Variants in SORCS2 observed in about 807,000 individuals in gnomAD.
The protein encoded by SORCS2 is VPS10 domain-containing receptor SorCS2.
SORCS2 carries 100 observed loss-of-function variants against 141.6 expected under a neutral mutation model. That is an observed-to-expected ratio of 0.71 (90% confidence interval 0.60 to 0.83). The LOEUF is 0.83. SORCS2 is among the 40% of genes least tolerant of loss of function. The pLI, the probability that SORCS2 is intolerant of heterozygous loss-of-function variation, is 0.00. For synonymous variants in SORCS2, 789 were observed against 676.9 expected (o/e 1.17, Z -2.57); for missense variants, 1,646 against 1,560.2 (o/e 1.05, Z -0.93).
At chr4:7,448,156 G>C (rs1295439362) in intron 2 of SORCS2, among the ~76,000 whole-genome samples, 1 of 152,182 alleles carries the variant, frequency 6.6e-6, no homozygotes, top group Non-Finnish European at 1.5e-5. Context: ...AGGCACAGTT[G>C]TGTTTCGTGC....
chr4:7,416,977 T>A (rs910693785), intron 2 of SORCS2, among the ~76,000 whole-genome samples: 8 of 152,184 alleles, frequency 5.3e-5, no homozygotes, highest in Non-Finnish European at 7.3e-5. Flanking sequence ...CCCATGCCTC[T>A]GCCTGTGGTC....
chr4:7,213,901 GCTGGCTTCCTGGGGCTTTATTCCATGTCC>G (rs1275051123), intron 1 of SORCS2, among the ~76,000 whole-genome samples: 7 of 152,382 alleles, frequency 4.6e-5, no homozygotes, highest in Non-Finnish European at 8.8e-5. Flanking sequence ...TGGGCTGGAA[GCTGGCTTCCTGGGGCTTTATTCCATGTCC>G]CTGCCCCAGA....
At chr4:7,512,566 C>T (rs1732730856) in intron 2 of SORCS2, among the ~76,000 whole-genome samples, 2 of 152,168 alleles carry the variant, frequency 1.3e-5, no homozygotes, top group Admixed American at 1.3e-4. Context: ...GGATTGGGCC[C>T]CTCCCCCAAC....
chr4:7,414,936 AGG>A (rs767199567), intron 2 of SORCS2, among the ~76,000 whole-genome samples: 5,198 of 152,228 alleles, frequency 0.034, 148 homozygotes, highest in Admixed American at 0.046. Context: ...GGGTTGGGTG[AGG>A]AGCCCTTAGT....
intron 2 of SORCS2, among the ~76,000 whole-genome samples, chr4:7,524,473 C>T (rs545603172): frequency 1.3e-5 from 2 of 152,286 alleles, no homozygotes; most frequent in East Asian, 3.9e-4. Context: ...AACTCACGCC[C>T]TGGCCCTGCC....
Position 7,729,727 on chromosome 4 carries a change from C to T in SORCS2, c.3108+15C>T, listed in dbSNP as rs201505081. ...CGAGTGATAAGGTATGTCCTGTGGC[C>T]GCTGCACTCCCAGGTCCTCCCTGCA... is the stretch of plus-strand genomic sequence containing the variant. On this transcript the variant is annotated intron_variant, in intron 23 of 26. Transcript: ENST00000507866. 1,445 of 1,606,992 alleles carry T rather than the reference C, an allele frequency of 9.0e-4. No individual in the cohort carries two copies. Among genetic ancestry groups the T allele is most frequent in the Non-Finnish European group, 1.2e-3 (1,357 of 1,175,966 alleles).
At chr4:7,199,617 G>A (rs1270799503) in intron 1 of SORCS2, among the ~76,000 whole-genome samples, 1 of 152,022 alleles carries the variant, frequency 6.6e-6, no homozygotes, top group Non-Finnish European at 1.5e-5. Flanking sequence ...CTGTGGCCTG[G>A]GTGGGGCGGG....
intron 3 of SORCS2, among the ~76,000 whole-genome samples, chr4:7,588,314 C>T (rs1716676549): frequency 6.6e-6 from 1 of 152,196 alleles, no homozygotes; most frequent in African/African-American, 2.4e-5. Context: ...ATGGAACTTT[C>T]ATGCGGTTGT....
intron 1 of SORCS2, among the ~76,000 whole-genome samples, chr4:7,275,095 A>G (rs1054915807): frequency 4.6e-5 from 7 of 152,230 alleles, no homozygotes; most frequent in Non-Finnish European, 8.8e-5. Flanking sequence ...AAAATGCATC[A>G]TATAATTTTC....
chr4:7,335,598 G>C (rs1230474269), intron 1 of SORCS2, among the ~76,000 whole-genome samples: 1 of 152,224 alleles, frequency 6.6e-6, no homozygotes, highest in Non-Finnish European at 1.5e-5. Context: ...CTTGCTGGAG[G>C]CGGGCTGGGG....
chr4:7,216,214 G>T (rs1340005147), intron 1 of SORCS2, among the ~76,000 whole-genome samples: 2 of 152,200 alleles, frequency 1.3e-5, no homozygotes, highest in Non-Finnish European at 1.5e-5. Flanking sequence ...CTTGAAGTCA[G>T]TGAGACCAAG....
intron 11 of SORCS2, among the ~76,000 whole-genome samples, chr4:7,691,160 G>C (rs967213509): frequency 3.9e-5 from 6 of 152,246 alleles, no homozygotes; most frequent in South Asian, 2.1e-4. Flanking sequence ...CCACACAGAG[G>C]GGGTGGCTGT....
intron 1 of SORCS2, among the ~76,000 whole-genome samples, chr4:7,348,034 T>G (rs967706573): frequency 6.6e-6 from 1 of 152,210 alleles, no homozygotes; most frequent in Admixed American, 6.5e-5. Context: ...TGAACGGAAG[T>G]GAGAATGATT....
intron 1 of SORCS2, among the ~76,000 whole-genome samples, chr4:7,318,845 A>G (rs1038399675): frequency 1.4e-4 from 21 of 152,148 alleles, no homozygotes; most frequent in African/African-American, 4.8e-4. Flanking sequence ...ATATAGAATA[A>G]TTTTATCACT....
rs190406738 is a variant in SORCS2 at position 7,635,214 on chromosome 4, G to A, written c.649-3114G>A. On this transcript the variant is annotated intron_variant, in intron 3 of 26. Coordinates refer to ENST00000507866, the MANE Select transcript of SORCS2 (RefSeq NM_020777.3). ...GCTCAGCTAAAATGCCCCATCCTGC[G>A]TGGGTGCATCCTGCAGTGTGTGGCT... Among the ~76,000 whole-genome samples the A allele has an allele frequency of 1.7e-3, 255 of 152,292 alleles. 2 individuals are homozygous for A. Among genetic ancestry groups the A allele is most frequent in the Non-Finnish European group, 2.8e-3 (190 of 68,018 alleles).
At chr4:7,316,836 C>T (rs544127810) in intron 1 of SORCS2, among the ~76,000 whole-genome samples, 1 of 152,304 alleles carries the variant, frequency 6.6e-6, no homozygotes, top group East Asian at 1.9e-4. Context: ...CATGTTGCCA[C>T]CTCCTGAGGA....
intron 2 of SORCS2, among the ~76,000 whole-genome samples, chr4:7,518,355 G>A (rs1733116216): frequency 6.6e-6 from 1 of 152,068 alleles, no homozygotes; most frequent in Non-Finnish European, 1.5e-5. Flanking sequence ...CACCCTCTTT[G>A]GGCTTCTCCA....
intron 1 of SORCS2, among the ~76,000 whole-genome samples, chr4:7,215,321 C>T (rs527708405): frequency 6.0e-4 from 92 of 152,332 alleles, no homozygotes; most frequent in South Asian, 2.7e-3. Flanking sequence ...TGCCAGCCTA[C>T]CGGCGCTGCG....
chr4:7,543,408 C>T lies in SORCS2; in HGVS notation c.648+11779C>T, dbSNP rs550140729. On this transcript the variant is annotated intron_variant, in intron 3 of 26. Coordinates refer to ENST00000507866, the MANE Select transcript of SORCS2 (RefSeq NM_020777.3). ...CCACCCACCCATCCATCCATCCACCCATCCATCTATCCATCCATCCGTCCA... is the reference window on the plus strand; with the variant it reads ...CCACCCACCCATCCATCCATCCACCTATCCATCTATCCATCCATCCGTCCA... Among the ~76,000 whole-genome samples, 9 of 80,330 alleles carry T rather than the reference C, an allele frequency of 1.1e-4. No individual in the cohort carries two copies. The East Asian group carries it at 6.9e-3, about 62-fold the overall frequency. 52.7% of individuals were successfully genotyped at this position (80,330 alleles called of 152,430 possible).
Sources: gnomAD v4.1 joint callset for allele counts (sites outside exome capture counted in the v4.1 genomes callset) on GRCh38, gnomAD v4.1.1 for gene constraint, MANE v1.5 for transcripts, NCBI Gene and HGNC (gene_info 2026-07-23, HGNC 2026-07-21) for gene names.